The following PACS1 variants were observed in gnomAD, a reference collection of about 807,000 sequenced individuals.
PACS1 encodes phosphofurin acidic cluster sorting protein 1.
Under a neutral mutation model 115.0 loss-of-function variants are expected in PACS1, and 24 were observed. The ratio of observed to expected loss-of-function variants is 0.21; its 90% CI spans 0.15 to 0.29. The LOEUF (loss-of-function observed/expected upper bound fraction) is 0.29. PACS1 is among the 10% of genes least tolerant of loss of function. The pLI is 1.00. For synonymous variants in PACS1, 453 were observed against 504.5 expected (o/e 0.90, Z 1.37); for missense variants, 838 against 1,251.2 (o/e 0.67, Z 4.98).
intron 10 of PACS1, among the ~76,000 whole-genome samples, chr11:66,223,987 C>G (rs921387904): frequency 2.0e-5 from 3 of 152,046 alleles, no homozygotes; most frequent in African/African-American, 7.2e-5. Context: ...CACTTGAGGT[C>G]AGGAGTTCGA....
chr11:66,174,640 A>G (rs530535535), intron 1 of PACS1, among the ~76,000 whole-genome samples: 4 of 152,362 alleles, frequency 2.6e-5, no homozygotes, highest in South Asian at 4.1e-4. Context: ...GAAGCCAGAC[A>G]TGTTGTATTG....
intron 4 of PACS1, among the ~76,000 whole-genome samples, chr11:66,215,401 G>A (rs1010974136): frequency 4.6e-5 from 7 of 151,814 alleles, no homozygotes; most frequent in African/African-American, 1.5e-4. Context: ...CCAAGATTTC[G>A]AGATCAGACT....
At chr11:66,223,813 T>C (rs1171337167) in intron 10 of PACS1, among the ~76,000 whole-genome samples, 3 of 152,304 alleles carry the variant, frequency 2.0e-5, no homozygotes, top group African/African-American at 4.8e-5. Context: ...ACCTGACTTA[T>C]AAAACTTACA....
chr11:66,159,721 A>C (rs1859444676), intron 1 of PACS1, among the ~76,000 whole-genome samples: 1 of 152,212 alleles, frequency 6.6e-6, no homozygotes, highest in African/African-American at 2.4e-5. Flanking sequence ...ACTTTCACAG[A>C]AACAGTGGAA....
rs1208184669 is a variant in PACS1, at chr11:66,220,759, A to G, written c.1167A>G (p.Glu389=). Reference sequence around the variant, plus strand: ...GTGGCCCTGAGATGGAGGAGACAGAAAGCATCCTCAGCACGCCAAAGCCCA... The same window carrying G: ...GTGGCCCTGAGATGGAGGAGACAGAGAGCATCCTCAGCACGCCAAAGCCCA... ...SDSGPEMEET[E]SILSTPKPKL... is the part of the protein sequence containing the mutation. The change falls in exon 9 of 24, where the codon GAA becomes GAG. Residue 389 remains glutamate, a synonymous_variant. Coordinates refer to ENST00000320580, the MANE Select transcript of PACS1 (RefSeq NM_018026.4). 1 of 1,614,002 alleles carries G rather than the reference A, an allele frequency of 6.2e-7. No homozygotes were observed. The highest frequency in any genetic ancestry group is 1.1e-5 in the South Asian group (1 of 91,068).
At chr11:66,086,315 T>G (rs1297760580) in intron 1 of PACS1, among the ~76,000 whole-genome samples, 1 of 150,734 alleles carries the variant, frequency 6.6e-6, no homozygotes, top group Non-Finnish European at 1.5e-5. Flanking sequence ...ATTTTTTGTA[T>G]TTTTAGTAGA....
chr11:66,115,650 A>G (rs1353148927), intron 1 of PACS1, among the ~76,000 whole-genome samples: 5 of 152,208 alleles, frequency 3.3e-5, no homozygotes, highest in Non-Finnish European at 7.4e-5. Context: ...GCAGGCTGAC[A>G]TTTGTCTTAG....
intron 1 of PACS1, among the ~76,000 whole-genome samples, chr11:66,163,910 G>A (rs1859543533): frequency 6.6e-6 from 1 of 152,110 alleles, no homozygotes; most frequent in African/African-American, 2.4e-5. Context: ...AGTTGTTTCG[G>A]CCTCTGTGAC....
rs572490746 is a variant in PACS1 at position 66,242,851 on chromosome 11, G to A, written c.2657-61G>A. Reference sequence around the variant, plus strand: ...AGGAAGAAGGGGACAGTCGGCTGGGGAGGAGAGGGGTGGCGGCTTCCCCAG... The same window carrying A: ...AGGAAGAAGGGGACAGTCGGCTGGGAAGGAGAGGGGTGGCGGCTTCCCCAG... On this transcript the variant is annotated intron_variant, in intron 22 of 23. Coordinates refer to ENST00000320580, the MANE Select transcript of PACS1 (RefSeq NM_018026.4). 266 of 1,607,960 alleles carry A rather than the reference G, an allele frequency of 1.7e-4. 3 individuals carry two copies. In the South Asian group the frequency reaches 2.5e-3, roughly 15 times the overall value.
In PACS1 at chr11:66,237,342, G is replaced by A. The variant is rs144127550; in HGVS notation, c.2250+1402G>A. ...CTCCCAAAGTGCTGGGATTACAGGCGTGAGCCACCATGCCCCACCAGCTTG... is the reference window on the plus strand; with the variant it reads ...CTCCCAAAGTGCTGGGATTACAGGCATGAGCCACCATGCCCCACCAGCTTG... On this transcript the variant is annotated intron_variant, in intron 19 of 23. Transcript: ENST00000320580. Among the ~76,000 whole-genome samples the A allele has an allele frequency of 1.7e-4, 26 of 152,326 alleles. No individual in the cohort carries two copies. In the East Asian group the frequency reaches 3.7e-3, roughly 21 times the overall value.
intron 1 of PACS1, among the ~76,000 whole-genome samples, chr11:66,132,197 A>G (rs1349988425): frequency 6.6e-6 from 1 of 152,158 alleles, no homozygotes; most frequent in East Asian, 1.9e-4. Flanking sequence ...GTGACAGTGA[A>G]TGAATTCTCA....
chr11:66,199,185 G>T (rs912131454), intron 2 of PACS1, among the ~76,000 whole-genome samples: 1 of 151,946 alleles, frequency 6.6e-6, no homozygotes, highest in Non-Finnish European at 1.5e-5. Flanking sequence ...CGTGGTGGCG[G>T]GCACCTGTAG....
chr11:66,153,084 C>A (rs996873870), intron 1 of PACS1, among the ~76,000 whole-genome samples: 1 of 151,990 alleles, frequency 6.6e-6, no homozygotes, highest in Non-Finnish European at 1.5e-5. Context: ...ATATAAAAGA[C>A]TATGATTTTT....
intron 1 of PACS1, among the ~76,000 whole-genome samples, chr11:66,082,989 C>T (rs147749520): frequency 5.5e-4 from 83 of 152,228 alleles, no homozygotes; most frequent in African/African-American, 1.6e-3. Context: ...TATCAGCCAC[C>T]TTTTACATTG....
chr11:66,163,328 G>A (rs1192055413), intron 1 of PACS1, among the ~76,000 whole-genome samples: 8 of 148,674 alleles, frequency 5.4e-5, no homozygotes, highest in Admixed American at 6.7e-5. Context: ...TCCAGCATGG[G>A]CGACAGAGTG....
intron 1 of PACS1, among the ~76,000 whole-genome samples, chr11:66,110,128 T>C (rs1324584125): frequency 1.3e-5 from 2 of 152,164 alleles, no homozygotes; most frequent in Admixed American, 1.3e-4. Flanking sequence ...GAGAGTATAA[T>C]TGACTTCTCT....
intron 1 of PACS1, among the ~76,000 whole-genome samples, chr11:66,133,140 C>A (rs1335169876): frequency 6.6e-6 from 1 of 152,186 alleles, no homozygotes; most frequent in Non-Finnish European, 1.5e-5. Context: ...CATTCTGACT[C>A]CAGAAAATTT....
chr11:66,100,838 T>C (rs753661423), intron 1 of PACS1: 9 of 456,136 alleles, frequency 2.0e-5, no homozygotes, highest in Non-Finnish European at 3.5e-5. Context: ...GGAACACCTG[T>C]TATGGCCTTT....
chr11:66,239,570 C>T (rs540324960), intron 21 of PACS1, among the ~76,000 whole-genome samples: 4 of 152,290 alleles, frequency 2.6e-5, no homozygotes, highest in South Asian at 2.1e-4. Flanking sequence ...TATCACTAGC[C>T]GGCCTGGTCA....
Sources: gnomAD v4.1 joint callset for allele counts (sites outside exome capture counted in the v4.1 genomes callset) on GRCh38, gnomAD v4.1.1 for gene constraint, MANE v1.5 for transcripts, NCBI Gene and HGNC (gene_info 2026-07-23, HGNC 2026-07-21) for gene names.